The following TRMT10B variants were observed in gnomAD, a reference collection of about 807,000 sequenced individuals.
TRMT10B encodes tRNA methyltransferase 10 homolog B.
A neutral mutation model predicts 43.8 loss-of-function variants in TRMT10B; 33 were observed. The ratio of observed to expected loss-of-function variants is 0.75; its 90% CI spans 0.57 to 1.01. TRMT10B has a LOEUF of 1.01. Ranked by LOEUF, TRMT10B falls within the 50% of genes least tolerant of loss-of-function variation. The pLI, the probability that TRMT10B is intolerant of heterozygous loss-of-function variation, is 0.00. For synonymous variants in TRMT10B, 137 were observed against 130.6 expected (o/e 1.05, Z -0.34); for missense variants, 362 against 369.8 (o/e 0.98, Z 0.17).
At chr9:37,764,072 G>C (rs557780378) in intron 4 of TRMT10B, among the ~76,000 whole-genome samples, 1 of 152,240 alleles carries the variant, frequency 6.6e-6, no homozygotes, top group South Asian at 2.1e-4. Context: ...CTAAACCTTT[G>C]GGAAGAGGAA....
At chr9:37,757,071 TAAG>T in intron 1 of TRMT10B, among the ~76,000 whole-genome samples, 1 of 152,144 alleles carries the variant, frequency 6.6e-6, no homozygotes. Context: ...CTGAAATGTT[TAAG>T]AATAGCTTGG....
At chr9:37,774,777 C>G (rs1440505739) in intron 7 of TRMT10B, among the ~76,000 whole-genome samples, 1 of 152,192 alleles carries the variant, frequency 6.6e-6, no homozygotes, top group Non-Finnish European at 1.5e-5. Context: ...CGAAAAGGTA[C>G]TAGGTCCACT....
At position 37,761,995 on chromosome 9, in the gene TRMT10B, G is replaced by A; in HGVS notation, c.64G>A (p.Gly22Ser). The A allele has an allele frequency of 1.2e-6, 2 of 1,614,030 alleles. No homozygotes were observed. The highest frequency in any genetic ancestry group is 1.7e-6 in the Non-Finnish European group (2 of 1,179,950). ...GTCACCTGTGCTGCAGGGGCAAGAA[G>A]GCATCCTAGAGGAGACAGGTGAAGA... ...VESPVLQGQE[G>S]ILEETGEDGL... The change falls in exon 2 of 9, where the codon GGC becomes AGC. Residue 22 changes from glycine to serine, a missense_variant. Physicochemically the swap from Gly to Ser is moderately conservative, Grantham distance 56 (BLOSUM62 0). Coordinates refer to ENST00000297994, the MANE Select transcript of TRMT10B (RefSeq NM_144964.4).
chr9:37,776,140 A>T, intron 7 of TRMT10B, 142 bp from the exon 8 acceptor site: 2 of 699,540 alleles, frequency 2.9e-6, no homozygotes, highest in South Asian at 7.4e-5. Context: ...AGATATTGTC[A>T]CATAAGCTCT....
chr9:37,762,063 A>G lies in TRMT10B; in HGVS notation c.132A>G (p.Glu44=). The G allele has an allele frequency of 6.2e-7, 1 of 1,614,154 alleles. No homozygotes were observed. The highest frequency in any genetic ancestry group is 8.5e-7 in the Non-Finnish European group (1 of 1,180,028). ...TCCAGCTTCTGCAGATCGATGCGGAAGGCGAGTGCCAGGAGGGAGAGATCC... is the reference window on the plus strand; with the variant it reads ...TCCAGCTTCTGCAGATCGATGCGGAGGGCGAGTGCCAGGAGGGAGAGATCC... ...EGFQLLQIDA[E]GECQEGEILA... The change falls in exon 2 of 9, where the codon GAA becomes GAG. Residue 44 remains glutamate, a synonymous_variant. Transcript: ENST00000297994.
rs140245564 is a variant in TRMT10B at position 37,762,175 on chromosome 9, CCT to C, written c.186+59_186+60del. 2,048 of 1,521,752 alleles carry C rather than the reference CCT, an allele frequency of 1.3e-3. 22 individuals are homozygous for C. In the African/African-American group the frequency reaches 0.023, roughly 17 times the overall value. 94.3% of individuals were successfully genotyped at this position (1,521,752 alleles called of 1,614,324 possible). A position where few individuals can be genotyped will look rare whatever the true frequency, so the allele number is the denominator to read the frequency against. On this transcript the variant is annotated intron_variant, in intron 2 of 8. Coordinates refer to ENST00000297994, the MANE Select transcript of TRMT10B (RefSeq NM_144964.4). ...GAATGATGGAATGTCTCAAGACACC[CCT>C]GTTTTAAAGATGGATACTGGTAGTG...
intron 6 of TRMT10B, 64 bp from the exon 7 acceptor site, chr9:37,770,608 G>T: frequency 3.6e-6 from 5 of 1,388,860 alleles, no homozygotes; most frequent in Admixed American, 1.9e-5. Flanking sequence ...CTTTCATTTT[G>T]CTTTCTCTGG....
upstream of TRMT10B, among the ~76,000 whole-genome samples, chr9:37,753,283 T>TATG (rs754422893): frequency 2.9e-4 from 44 of 152,316 alleles, no homozygotes; most frequent in Admixed American, 1.1e-3. Flanking sequence ...CCGGACACAA[T>TATG]ATGATATCAG....
intron 7 of TRMT10B, among the ~76,000 whole-genome samples, chr9:37,771,601 G>C (rs1827589268): frequency 6.6e-6 from 1 of 152,182 alleles, no homozygotes. Context: ...GCTACTTACA[G>C]AAGAATGCAG....
In TRMT10B at chr9:37,763,525, A is replaced by T. The variant is rs1826640138; in HGVS notation, c.296-104A>T. ...TGAACGAATACCTTACATCAGTATC[A>T]AGTTTCTCTTTATATGCAAAATACC... On this transcript the variant is annotated intron_variant, in intron 3 of 8. Transcript: ENST00000297994. 5 of 941,262 alleles carry T rather than the reference A, an allele frequency of 5.3e-6. No individual in the cohort carries two copies. The South Asian group carries it at 8.0e-5, about 15-fold the overall frequency. The allele number at this position is 941,262 out of a possible 1,614,324, so 58.3% of individuals were successfully genotyped here.
chr9:37,752,919 C>T (rs1588986061), upstream of TRMT10B, among the ~76,000 whole-genome samples: 15 of 152,196 alleles, frequency 9.9e-5, 3 homozygotes, highest in African/African-American at 3.6e-4. Context: ...GTTGGGGTTG[C>T]CTTTCTGGAC....
upstream of TRMT10B, among the ~76,000 whole-genome samples, chr9:37,752,905 A>T (rs1228000616): frequency 6.6e-6 from 1 of 152,140 alleles, no homozygotes; most frequent in Non-Finnish European, 1.5e-5. Context: ...AGCAGCGGCA[A>T]CCCGTTGGGG....
intron 5 of TRMT10B, 43 bp downstream of exon 5, chr9:37,768,271 G>A (rs1827198760): frequency 1.9e-6 from 3 of 1,546,296 alleles, no homozygotes; most frequent in African/African-American, 2.8e-5. Context: ...CATCTGAAAA[G>A]TTATTGTGGT....
At position 37,777,774 on chromosome 9, in the gene TRMT10B, A is replaced by AG; in HGVS notation, c.*68dup. On this transcript the variant is annotated 3_prime_UTR_variant, in exon 9 of 9. Coordinates refer to ENST00000297994, the MANE Select transcript of TRMT10B (RefSeq NM_144964.4). ...TAATGCCAACACTTTGGTAGACCGA[A>AG]GTGGGCAGATCACCTGAGGTCAGGA... 2.3e-6 allele frequency: 3 copies of AG among 1,317,902 alleles called. No individual in the cohort carries two copies. Among genetic ancestry groups the AG allele is most frequent in the Non-Finnish European group, 3.3e-6 (3 of 915,814 alleles). 81.6% of individuals were successfully genotyped at this position (1,317,902 alleles called of 1,614,324 possible).
At chr9:37,759,991 A>T (rs1171753150) in intron 1 of TRMT10B, among the ~76,000 whole-genome samples, 1 of 152,214 alleles carries the variant, frequency 6.6e-6, no homozygotes, top group East Asian at 1.9e-4. Flanking sequence ...GATCAAGGTA[A>T]CTTGATCTCA....
chr9:37,754,127 T>C (rs571848344), intron 1 of TRMT10B, among the ~76,000 whole-genome samples: 179 of 152,302 alleles, frequency 1.2e-3, no homozygotes, highest in African/African-American at 4.0e-3. Context: ...GGAGTTAGGC[T>C]AGCAAAGGTC....
intron 7 of TRMT10B, among the ~76,000 whole-genome samples, chr9:37,774,058 C>G (rs761780880): frequency 1.3e-5 from 2 of 152,066 alleles, no homozygotes; most frequent in Non-Finnish European, 2.9e-5. Flanking sequence ...CAGGGCCTTG[C>G]TCTGCTGCCC....
At chr9:37,767,752 A>T (rs1003945829) in intron 4 of TRMT10B, among the ~76,000 whole-genome samples, 2 of 152,156 alleles carry the variant, frequency 1.3e-5, no homozygotes, top group Non-Finnish European at 2.9e-5. Context: ...ATGTATATTA[A>T]TGAAACCTCT....
chr9:37,776,254 A>G (rs1463106108), intron 7 of TRMT10B, 28 bp from the exon 8 acceptor site: 2 of 1,429,698 alleles, frequency 1.4e-6, no homozygotes, highest in Non-Finnish European at 1.8e-6. Context: ...AATTTTTATA[A>G]GAAAAATATT....
Sources: gnomAD v4.1 joint callset for allele counts (sites outside exome capture counted in the v4.1 genomes callset) on GRCh38, gnomAD v4.1.1 for gene constraint, MANE v1.5 for transcripts, NCBI Gene and HGNC (gene_info 2026-07-23, HGNC 2026-07-21) for gene names.